RNF11: variants seen among roughly 807,000 people sequenced by gnomAD.
RNF11 encodes the protein ring finger protein 11.
Under a neutral mutation model 15.8 loss-of-function variants are expected in RNF11, and 4 were observed. That is an observed-to-expected ratio of 0.25 (90% CI 0.12 to 0.58). RNF11 has a LOEUF of 0.58. Ranked by LOEUF, RNF11 falls within the 20% of genes least tolerant of loss-of-function variation. RNF11 has a pLI of 0.91. For missense variants in RNF11, 139 were observed against 194.4 expected (o/e 0.71, Z 1.70); for synonymous variants, 68 against 72.3 (o/e 0.94, Z 0.30).
intron 1 of RNF11, among the ~76,000 whole-genome samples, chr1:51,268,022 TGCCCA>T (rs1326819702): frequency 6.6e-6 from 1 of 152,218 alleles, no homozygotes; most frequent in Non-Finnish European, 1.5e-5. Context: ...TGAGCTACCA[TGCCCA>T]GCCATCACAT....
intron 1 of RNF11, among the ~76,000 whole-genome samples, chr1:51,256,180 C>T (rs1383801772): frequency 6.6e-6 from 1 of 152,116 alleles, no homozygotes; most frequent in African/African-American, 2.4e-5. Flanking sequence ...TAGTATCATA[C>T]GTGTAGTTTT....
chr1:51,249,792 GTA>G (rs1646868541), intron 1 of RNF11, among the ~76,000 whole-genome samples: 1 of 152,240 alleles, frequency 6.6e-6, no homozygotes, highest in Admixed American at 6.5e-5. Flanking sequence ...CCTATTTTGA[GTA>G]TATATCCAGG....
chr1:51,249,999 A>G (rs991145945), intron 1 of RNF11, among the ~76,000 whole-genome samples: 2 of 152,180 alleles, frequency 1.3e-5, no homozygotes, highest in Non-Finnish European at 2.9e-5. Context: ...TCTTCTGTCA[A>G]TCTATCCTGT....
intron 1 of RNF11, among the ~76,000 whole-genome samples, chr1:51,260,924 A>AT (rs1353055652): frequency 6.6e-6 from 1 of 152,170 alleles, no homozygotes; most frequent in East Asian, 1.9e-4. Context: ...TAAGTTAAAA[A>AT]TTTTTTAAAG....
intron 1 of RNF11, among the ~76,000 whole-genome samples, chr1:51,252,296 GT>G (rs1646883538): frequency 6.6e-6 from 1 of 152,046 alleles, no homozygotes; most frequent in African/African-American, 2.4e-5. Flanking sequence ...TAGTAGTTAA[GT>G]TTTTGGGAAG....
chr1:51,236,926 C>A, intron 1 of RNF11, 47 bp downstream of exon 1: 3 of 1,567,770 alleles, frequency 1.9e-6, no homozygotes, highest in Middle Eastern at 3.6e-4. Context: ...GCAGCTCTGG[C>A]GGAGATTGAG....
Position 51,269,762 on chromosome 1 carries a change from G to A in RNF11, c.124-194G>A, listed in dbSNP as rs190146543. 2.6e-5 allele frequency among the ~76,000 whole-genome samples: 4 copies of A among 152,296 alleles called. No individual in the cohort carries two copies. In the East Asian group the frequency reaches 7.7e-4, roughly 29 times the overall value. On this transcript the variant is annotated intron_variant, in intron 1 of 2. Transcript: ENST00000242719. ...TGTTTATATCCTTTAGGCAGAATGA[G>A]AATGTTTTGGTGTGTGTATGTTTTA...
At chr1:51,250,192 T>C (rs768158763) in intron 1 of RNF11, among the ~76,000 whole-genome samples, 2 of 152,220 alleles carry the variant, frequency 1.3e-5, no homozygotes, top group Non-Finnish European at 2.9e-5. Flanking sequence ...TATATACTTA[T>C]GATGTACACC....
chr1:51,258,095 C>G (rs1400396881), intron 1 of RNF11, among the ~76,000 whole-genome samples: 1 of 152,098 alleles, frequency 6.6e-6, no homozygotes, highest in Admixed American at 6.5e-5. Flanking sequence ...CTCAGGTGAT[C>G]CGCCTGCCTT....
chr1:51,244,378 T>G (rs1248806070), intron 1 of RNF11, among the ~76,000 whole-genome samples: 1 of 152,000 alleles, frequency 6.6e-6, no homozygotes, highest in Non-Finnish European at 1.5e-5. Context: ...TTTTTGAATT[T>G]GTTTTTTTTT....
At chr1:51,251,442 C>A (rs1343573592) in intron 1 of RNF11, 15 of 829,780 alleles carry the variant, frequency 1.8e-5, no homozygotes, top group South Asian at 6.2e-5. Flanking sequence ...GCCTCCGGGC[C>A]CCCCCCCGCT....
At position 51,236,713 on chromosome 1, in the gene RNF11, C is replaced by T; in HGVS notation, c.-44C>T. On this transcript the variant is annotated 5_prime_UTR_variant, in exon 1 of 3. Coordinates refer to ENST00000242719, the MANE Select transcript of RNF11 (RefSeq NM_014372.5). The stretch of plus-strand genomic sequence containing the variant: ...CCGCGGAGTGTGCGAACGACCCCAC[C>T]GCTGCTTTCTCCTCCCCCAGATCAC... 6.2e-7 allele frequency: 1 copy of T among 1,606,096 alleles called. No individual in the cohort carries two copies. Among genetic ancestry groups the T allele is most frequent in the African/African-American group, 1.3e-5 (1 of 74,660 alleles).
chr1:51,258,750 T>A (rs1286684374), intron 1 of RNF11, among the ~76,000 whole-genome samples: 1 of 152,210 alleles, frequency 6.6e-6, no homozygotes, highest in Non-Finnish European at 1.5e-5. Context: ...GTTGGTGATT[T>A]CCTTTCTTTT....
In RNF11 at chr1:51,246,979, T is replaced by TAAA. The variant is rs58842374; in HGVS notation, c.123+10115_123+10117dup. ...GGCAGCAGAGTGAGACCTTATCTCT[T>TAAA]AAAAAAAAAAAAAAAAAGGAAAAAA... is the stretch of plus-strand genomic sequence containing the variant. On this transcript the variant is annotated intron_variant, in intron 1 of 2. Coordinates refer to ENST00000242719, the MANE Select transcript of RNF11 (RefSeq NM_014372.5). 7.1e-3 allele frequency among the ~76,000 whole-genome samples: 904 copies of TAAA among 126,550 alleles called. 7 individuals are homozygous for TAAA. Among genetic ancestry groups the TAAA allele is most frequent in the African/African-American group, 0.025 (870 of 34,438 alleles). The allele number at this position is 126,550 out of a possible 152,430, so 83.0% of individuals were successfully genotyped here. A position where few individuals can be genotyped will look rare whatever the true frequency, so the allele number is the denominator to read the frequency against.
intron 1 of RNF11, among the ~76,000 whole-genome samples, chr1:51,248,362 A>C (rs1274706144): frequency 6.6e-6 from 1 of 151,894 alleles, no homozygotes. Context: ...CGGCGCCACC[A>C]TGCCTGGCTA....
chr1:51,238,457 C>G lies in RNF11; in HGVS notation c.123+1578C>G, dbSNP rs886778713. Among the ~76,000 whole-genome samples the G allele has an allele frequency of 3.9e-5, 6 of 152,270 alleles. No individual in the cohort carries two copies. The East Asian group carries it at 9.6e-4, about 24-fold the overall frequency. On this transcript the variant is annotated intron_variant, in intron 1 of 2. Transcript: ENST00000242719. ...GACTCAGTAACTGGGAGATAAATTA[C>G]GAGTAAAAGCCCTTGAGAACAGGGA...
At chr1:51,237,462 A>ATG (rs1260680155) in intron 1 of RNF11, among the ~76,000 whole-genome samples, 3 of 146,744 alleles carry the variant, frequency 2.0e-5, no homozygotes, top group Non-Finnish European at 3.0e-5. Flanking sequence ...ATATATATAT[A>ATG]TGTATATAAA....
intron 1 of RNF11, among the ~76,000 whole-genome samples, chr1:51,258,231 T>G (rs1439189729): frequency 6.6e-6 from 1 of 152,190 alleles, no homozygotes. Flanking sequence ...TTCTGGAATT[T>G]TCCATATAGT....
Position 51,236,730 on chromosome 1 carries a change from C to A in RNF11, c.-27C>A. Reference sequence around the variant, plus strand: ...GACCCCACCGCTGCTTTCTCCTCCCCCAGATCACGCACCCCAGCTCCGGAA... The same window carrying A: ...GACCCCACCGCTGCTTTCTCCTCCCACAGATCACGCACCCCAGCTCCGGAA... On this transcript the variant is annotated 5_prime_UTR_variant, in exon 1 of 3. Coordinates refer to ENST00000242719, the MANE Select transcript of RNF11 (RefSeq NM_014372.5). The A allele has an allele frequency of 6.2e-7, 1 of 1,608,836 alleles. No homozygotes were observed. The highest frequency in any genetic ancestry group is 1.1e-5 in the South Asian group (1 of 90,434).
Sources: gnomAD v4.1 joint callset for allele counts (sites outside exome capture counted in the v4.1 genomes callset) on GRCh38, gnomAD v4.1.1 for gene constraint, MANE v1.5 for transcripts, NCBI Gene and HGNC (gene_info 2026-07-23, HGNC 2026-07-21) for gene names.